PID1: variants seen among roughly 807,000 people sequenced by gnomAD.
The protein encoded by PID1 is phosphotyrosine interaction domain containing 1.
A neutral mutation model predicts 19.1 loss-of-function variants in PID1; 10 were observed. The ratio of observed to expected loss-of-function variants is 0.52; its 90% CI spans 0.32 to 0.89. The LOEUF is 0.89. Ranked by LOEUF, PID1 falls within the 40% of genes least tolerant of loss-of-function variation. The probability of loss-of-function intolerance (pLI) is 0.03; values close to 1 mark genes in which losing one functional copy is unlikely to be tolerated. For synonymous variants in PID1, 130 were observed against 116.0 expected (o/e 1.12, Z -0.78); for missense variants, 248 against 285.3 (o/e 0.87, Z 0.94).
chr2:229,205,099 G>C (rs1033292809), intron 1 of PID1, among the ~76,000 whole-genome samples: 13 of 152,092 alleles, frequency 8.5e-5, no homozygotes, highest in Admixed American at 6.6e-4. Context: ...TCAAGAGAAA[G>C]TCAACATCAT....
intron 2 of PID1, among the ~76,000 whole-genome samples, chr2:229,105,355 A>C (rs1396601948): frequency 1.3e-5 from 2 of 152,254 alleles, no homozygotes. Flanking sequence ...CTTCTGCTGC[A>C]GGCAGCTAAA....
chr2:229,103,772 T>C (rs1286402641), intron 2 of PID1, among the ~76,000 whole-genome samples: 2 of 151,988 alleles, frequency 1.3e-5, no homozygotes, highest in Non-Finnish European at 2.9e-5. Flanking sequence ...AGAGACTGGC[T>C]TTCACCATCT....
chr2:229,200,053 G>C (rs1159640425), intron 1 of PID1, among the ~76,000 whole-genome samples: 3 of 151,806 alleles, frequency 2.0e-5, no homozygotes, highest in Non-Finnish European at 4.4e-5. Context: ...AAGAAGCACA[G>C]GTTCCGGCAC....
intron 1 of PID1, among the ~76,000 whole-genome samples, chr2:229,192,656 T>C (rs1405931973): frequency 1.3e-5 from 2 of 152,222 alleles, no homozygotes; most frequent in Admixed American, 6.5e-5. Context: ...AGCCTGTTTT[T>C]CCATCTTTAA....
chr2:229,059,521 T>C (rs1455114886), intron 2 of PID1, among the ~76,000 whole-genome samples: 1 of 152,180 alleles, frequency 6.6e-6, no homozygotes, highest in Non-Finnish European at 1.5e-5. Flanking sequence ...GCAAACTGAC[T>C]TGTCCAGTTC....
intron 2 of PID1, among the ~76,000 whole-genome samples, chr2:229,048,156 T>C (rs992745613): frequency 2.0e-5 from 3 of 152,206 alleles, no homozygotes; most frequent in Non-Finnish European, 4.4e-5. Context: ...TACAACAGCA[T>C]GGTATAGGAT....
At chr2:229,049,507 TC>T (rs1200265655) in intron 2 of PID1, among the ~76,000 whole-genome samples, 1 of 152,202 alleles carries the variant, frequency 6.6e-6, no homozygotes, top group Non-Finnish European at 1.5e-5. Flanking sequence ...GCAAGGCAAT[TC>T]TAGAACATTA....
intron 1 of PID1, among the ~76,000 whole-genome samples, chr2:229,164,566 A>G (rs1274374978): frequency 6.6e-6 from 1 of 152,198 alleles, no homozygotes; most frequent in African/African-American, 2.4e-5. Context: ...AAATGCTAAC[A>G]ATCAATATTG....
At chr2:229,220,558 C>G (rs1174411821) in intron 1 of PID1, among the ~76,000 whole-genome samples, 1 of 152,038 alleles carries the variant, frequency 6.6e-6, no homozygotes, top group African/African-American at 2.4e-5. Context: ...ACTCCAACAC[C>G]CAGGGATGGC....
rs1431438451 is a variant in PID1, at chr2:229,025,413, C to G, written c.*219G>C. 2.6e-5 allele frequency: 15 copies of G among 567,930 alleles called. No individual in the cohort carries two copies. The highest frequency in any genetic ancestry group is 4.4e-5 in the Non-Finnish European group (14 of 318,194). The allele number at this position is 567,930 out of a possible 1,614,324, so 35.2% of individuals were successfully genotyped here. A position where few individuals can be genotyped will look rare whatever the true frequency, so the allele number is the denominator to read the frequency against. ...TAGAACCTTCCTCCCCATCCACACT[C>G]CCACCCTCCTCACAGTCACAGCAGC... On this transcript the variant is annotated 3_prime_UTR_variant, in exon 3 of 3. Coordinates refer to ENST00000392055, the MANE Select transcript of PID1 (RefSeq NM_001100818.2).
intron 2 of PID1, among the ~76,000 whole-genome samples, chr2:229,140,690 A>AC (rs1689992991): frequency 1.3e-5 from 2 of 152,180 alleles, no homozygotes; most frequent in African/African-American, 2.4e-5. Context: ...GCCTACACTA[A>AC]GAGAAATCCA....
At chr2:229,065,594 C>G (rs10186763) in intron 2 of PID1, among the ~76,000 whole-genome samples, 152,228 of 152,240 alleles carry the variant, frequency 1, 76,108 homozygotes, top group Non-Finnish European at 1. Flanking sequence ...TAAATGTAAA[C>G]AATTAAAACC....
intron 2 of PID1, among the ~76,000 whole-genome samples, chr2:229,082,598 G>C (rs892640685): frequency 6.6e-6 from 1 of 152,216 alleles, no homozygotes; most frequent in African/African-American, 2.4e-5. Flanking sequence ...ACTATTGCTG[G>C]TTTGAGGATG....
intron 1 of PID1, among the ~76,000 whole-genome samples, chr2:229,252,732 T>C (rs911446623): frequency 6.6e-6 from 1 of 152,232 alleles, no homozygotes; most frequent in Non-Finnish European, 1.5e-5. Flanking sequence ...CTGTACTCTA[T>C]ACCTGAATAT....
At chr2:229,041,427 T>C (rs1045647162) in intron 2 of PID1, among the ~76,000 whole-genome samples, 1 of 152,018 alleles carries the variant, frequency 6.6e-6, no homozygotes, top group Non-Finnish European at 1.5e-5. Flanking sequence ...TTGATATAAA[T>C]AGATAAATGA....
chr2:229,176,328 G>C (rs1320059146), intron 1 of PID1, among the ~76,000 whole-genome samples: 1 of 152,136 alleles, frequency 6.6e-6, no homozygotes, highest in Non-Finnish European at 1.5e-5. Flanking sequence ...TCCCCTGCTT[G>C]CCTCAGCTCA....
intron 1 of PID1, among the ~76,000 whole-genome samples, chr2:229,186,247 C>T (rs1224567907): frequency 6.6e-6 from 1 of 152,136 alleles, no homozygotes; most frequent in African/African-American, 2.4e-5. Context: ...CTCCTACCTG[C>T]TTTAGTGGGC....
intron 2 of PID1, among the ~76,000 whole-genome samples, chr2:229,056,102 G>C (rs1410128501): frequency 6.6e-6 from 1 of 152,160 alleles, no homozygotes; most frequent in Non-Finnish European, 1.5e-5. Flanking sequence ...CATGGGTACT[G>C]TTCCCCATTT....
chr2:229,261,444 A>G (rs1442893534), intron 1 of PID1, among the ~76,000 whole-genome samples: 2 of 152,218 alleles, frequency 1.3e-5, no homozygotes, highest in Non-Finnish European at 1.5e-5. Context: ...GCCACTGCCC[A>G]CATTACAGGT....
Sources: allele counts gnomAD v4.1 joint callset (sites outside exome capture counted in the v4.1 genomes callset), GRCh38; gene constraint gnomAD v4.1.1; transcripts MANE v1.5; gene names NCBI Gene and HGNC (gene_info 2026-07-23, HGNC 2026-07-21).